PPP4R3B: variants seen among roughly 807,000 people sequenced by gnomAD.
PPP4R3B encodes the protein serine/threonine-protein phosphatase 4 regulatory subunit 3B.
In PPP4R3B, 52 loss-of-function variants were observed where a neutral mutation model predicts 95.4. The ratio of observed to expected loss-of-function variants is 0.54; its 90% confidence interval spans 0.44 to 0.69. The LOEUF (loss-of-function observed/expected upper bound fraction) is 0.69. Among genes scored for constraint, PPP4R3B ranks in the 30% least tolerant of loss-of-function variants. The pLI is 0.00. For synonymous variants in PPP4R3B, 407 were observed against 343.9 expected (o/e 1.18, Z -2.03); for missense variants, 1,003 against 1,005.9 (o/e 1.00, Z 0.04).
chr2:55,600,712 A>G (rs1016164281), intron 3 of PPP4R3B, among the ~76,000 whole-genome samples: 10 of 152,126 alleles, frequency 6.6e-5, no homozygotes, highest in Non-Finnish European at 1.2e-4. Context: ...GCTATCTAAT[A>G]TCCCTTCCAA....
chr2:55,602,960 CT>C (rs886551268), intron 3 of PPP4R3B, among the ~76,000 whole-genome samples: 26 of 149,394 alleles, frequency 1.7e-4, no homozygotes, highest in Middle Eastern at 3.4e-3. Flanking sequence ...GACGAATACT[CT>C]TTTTTTTTTT....
rs570137962 is a variant in PPP4R3B, at chr2:55,600,319, G to A, written c.298-1280C>T. Among the ~76,000 whole-genome samples, 6 of 151,008 alleles carry A rather than the reference G, an allele frequency of 4.0e-5. No individual in the cohort carries two copies. The East Asian group carries it at 5.9e-4, about 15-fold the overall frequency. The stretch of plus-strand genomic sequence containing the variant: ...CGCATGCCTGTAGTCCCAGCTACTC[G>A]AGAGGCTGAGGCAGCAGAACTGCTT... On this transcript the variant is annotated intron_variant, in intron 3 of 16. Transcript: ENST00000616407.
In PPP4R3B at chr2:55,554,014, T is replaced by C. The variant is rs72618675; in HGVS notation, c.2455-4008A>G. Among the ~76,000 whole-genome samples, 747 of 152,314 alleles carry C rather than the reference T, an allele frequency of 4.9e-3. 47 individuals are homozygous for C. In the East Asian group the frequency reaches 0.13, roughly 27 times the overall value. On this transcript the variant is annotated intron_variant, in intron 16 of 16. Coordinates refer to ENST00000616407, the MANE Select transcript of PPP4R3B (RefSeq NM_001122964.3). Reference sequence around the variant, plus strand: ...CATATGGTAACTCTGGGTCATATGGTACTCTGACTTTTTGGGGAACCGCCA... The same window carrying C: ...CATATGGTAACTCTGGGTCATATGGCACTCTGACTTTTTGGGGAACCGCCA...
chr2:55,564,027 T>A lies in PPP4R3B; in HGVS notation c.2260+286A>T, dbSNP rs571470447. Among the ~76,000 whole-genome samples the A allele has an allele frequency of 2.0e-5, 3 of 152,250 alleles. No individual in the cohort carries two copies. The South Asian group carries it at 6.2e-4, about 32-fold the overall frequency. On this transcript the variant is annotated intron_variant, in intron 15 of 16. Coordinates refer to ENST00000616407, the MANE Select transcript of PPP4R3B (RefSeq NM_001122964.3). The stretch of plus-strand genomic sequence containing the variant: ...ATTACTGAGAATTTCAGTATAGAAA[T>A]AAAGCCAAGACTATTCACAGAAAGA...
intron 5 of PPP4R3B, among the ~76,000 whole-genome samples, chr2:55,587,902 C>G (rs1019549877): frequency 5.9e-5 from 9 of 152,188 alleles, no homozygotes; most frequent in Non-Finnish European, 1.0e-4. Flanking sequence ...AATTAGCCAT[C>G]TTTCATTATT....
intron 5 of PPP4R3B, among the ~76,000 whole-genome samples, chr2:55,587,742 G>C (rs1396403386): frequency 6.6e-6 from 1 of 151,976 alleles, no homozygotes; most frequent in Non-Finnish European, 1.5e-5. Context: ...ACTCTAGCTG[G>C]GTCCCCAGTA....
chr2:55,548,630 T>C lies in PPP4R3B; in HGVS notation c.*1281A>G, dbSNP rs1684940901. 1 of 152,510 alleles carries C rather than the reference T, an allele frequency of 6.6e-6. No individual in the cohort carries two copies. The highest frequency in any genetic ancestry group is 2.1e-4 in the South Asian group (1 of 4,822). The allele number at this position is 152,510 out of a possible 1,614,324, so 9.4% of individuals were successfully genotyped here. A position where few individuals can be genotyped will look rare whatever the true frequency, so the allele number is the denominator to read the frequency against. ...TTAGATTAAACGATTCCAGGAAAAA[T>C]GGACCCGTAACACATTACAAGGGTG... On this transcript the variant is annotated 3_prime_UTR_variant, in exon 17 of 17. Coordinates refer to ENST00000616407, the MANE Select transcript of PPP4R3B (RefSeq NM_001122964.3).
chr2:55,613,426 C>A (rs1222213385), intron 2 of PPP4R3B, among the ~76,000 whole-genome samples: 2 of 151,154 alleles, frequency 1.3e-5, no homozygotes, highest in Non-Finnish European at 2.9e-5. Flanking sequence ...AATGTGATTA[C>A]AGAAAACATT....
chr2:55,604,983 G>T (rs1159237751), intron 2 of PPP4R3B, among the ~76,000 whole-genome samples: 1 of 151,828 alleles, frequency 6.6e-6, no homozygotes, highest in Non-Finnish European at 1.5e-5. Flanking sequence ...GGGACTACAG[G>T]TGCACACACC....
chr2:55,557,547 T>A (rs959059041), intron 16 of PPP4R3B, among the ~76,000 whole-genome samples: 10 of 152,208 alleles, frequency 6.6e-5, no homozygotes, highest in South Asian at 4.1e-4. Flanking sequence ...AAACTAATTT[T>A]AAAATTTTCC....
chr2:55,581,305 G>A (rs1010514470), intron 8 of PPP4R3B, among the ~76,000 whole-genome samples: 3 of 152,170 alleles, frequency 2.0e-5, no homozygotes, highest in Admixed American at 1.3e-4. Context: ...GTAGTGTTAA[G>A]TATAATCACA....
rs186751524 is a variant in PPP4R3B at position 55,570,881 on chromosome 2, G to A, written c.1766-2518C>T. Among the ~76,000 whole-genome samples, 198 of 152,320 alleles carry A rather than the reference G, an allele frequency of 1.3e-3. 3 individuals are homozygous for A. In the Middle Eastern group the frequency reaches 0.024, roughly 18 times the overall value. On this transcript the variant is annotated intron_variant, in intron 12 of 16. Transcript: ENST00000616407. ...TGGTTTACTTAAGATGCAAAAGACT[G>A]AAGCACTGGCAAGTTTGTGAGCAAA...
At chr2:55,576,549 T>C (rs1428335171) in intron 11 of PPP4R3B, among the ~76,000 whole-genome samples, 1 of 151,948 alleles carries the variant, frequency 6.6e-6, no homozygotes, top group African/African-American at 2.4e-5. Context: ...GAGACCACCC[T>C]GGCTAACACG....
chr2:55,599,771 C>A (rs1237116384), intron 3 of PPP4R3B, among the ~76,000 whole-genome samples: 1 of 152,122 alleles, frequency 6.6e-6, no homozygotes, highest in East Asian at 1.9e-4. Context: ...AATATTTTTT[C>A]ACTTTCCAAC....
intron 5 of PPP4R3B, 73 bp from the exon 6 acceptor site, chr2:55,586,807 T>A (rs183632876): frequency 1.3e-5 from 11 of 830,266 alleles, no homozygotes; most frequent in Admixed American, 1.2e-4. Context: ...TCATCTACCA[T>A]GGTGTGGTAT....
At chr2:55,562,422 C>T (rs766964733) in intron 15 of PPP4R3B, among the ~76,000 whole-genome samples, 15 of 152,112 alleles carry the variant, frequency 9.9e-5, no homozygotes, top group Non-Finnish European at 1.9e-4. Context: ...GACTCCATCT[C>T]AAAAAGCAAA....
At position 55,581,625 on chromosome 2, in the gene PPP4R3B, T is replaced by G. The variant is rs1689451067; in HGVS notation, c.1307A>C (p.Gln436Pro). ...TAGAGTACGAAGAAGTCCCATTAAC[T>G]GAACAGCGCCTCCTAGCTCAGGATC... Reference protein sequence around the residue: ...DTDPELGGAVQLMGLLRTLID... With the variant: ...DTDPELGGAVPLMGLLRTLID... The change falls in exon 8 of 17, where the codon CAG becomes CCG. Residue 436 changes from glutamine (Q) to proline (P), a missense_variant. Physicochemically the swap from Gln to Pro is moderately conservative, Grantham distance 76. Coordinates refer to ENST00000616407, the MANE Select transcript of PPP4R3B (RefSeq NM_001122964.3). 6.2e-7 allele frequency: 1 copy of G among 1,613,670 alleles called. No homozygotes were observed. Among genetic ancestry groups the G allele is most frequent in the South Asian group, 1.1e-5 (1 of 91,074 alleles).
chr2:55,592,044 T>C (rs1023527494), intron 4 of PPP4R3B, among the ~76,000 whole-genome samples: 7 of 152,080 alleles, frequency 4.6e-5, no homozygotes, highest in Non-Finnish European at 8.8e-5. Context: ...AAAAAAACAC[T>C]GTGGGGAAAA....
chr2:55,590,393 T>G (rs1300072524), intron 4 of PPP4R3B, among the ~76,000 whole-genome samples: 3 of 152,198 alleles, frequency 2.0e-5, no homozygotes, highest in Non-Finnish European at 4.4e-5. Flanking sequence ...CCGGTTAGAC[T>G]GTTAACTGTG....
Sources: gnomAD v4.1 joint callset for allele counts (sites outside exome capture counted in the v4.1 genomes callset) on GRCh38, gnomAD v4.1.1 for gene constraint, MANE v1.5 for transcripts, NCBI Gene and HGNC (gene_info 2026-07-23, HGNC 2026-07-21) for gene names.